The following ASTN2 variants were observed in gnomAD, a reference collection of about 807,000 sequenced individuals.
ASTN2 encodes astrotactin 2.
In ASTN2, 54 loss-of-function variants were observed where a neutral mutation model predicts 139.8. The ratio of observed to expected loss-of-function variants is 0.39; its 90% confidence interval spans 0.31 to 0.48. The LOEUF (loss-of-function observed/expected upper bound fraction) is 0.48, where lower values mean the gene tolerates loss of function less well. Ranked by LOEUF, ASTN2 falls within the 20% of genes least tolerant of loss-of-function variation. The probability of loss-of-function intolerance (pLI) is 0.95; values close to 1 mark genes in which losing one functional copy is unlikely to be tolerated. For synonymous variants in ASTN2, 756 were observed against 719.5 expected (o/e 1.05, Z -0.81); for missense variants, 1,565 against 1,725.1 (o/e 0.91, Z 1.64).
chr9:116,647,289 T>C (rs1857643913), intron 17 of ASTN2, among the ~76,000 whole-genome samples: 1 of 152,232 alleles, frequency 6.6e-6, no homozygotes. Flanking sequence ...CTTGTCATAC[T>C]GTTCACTCTT....
chr9:116,847,211 G>A (rs1423158151), intron 11 of ASTN2, among the ~76,000 whole-genome samples: 13 of 152,106 alleles, frequency 8.5e-5, no homozygotes, highest in Non-Finnish European at 1.9e-4. Context: ...TGCCTCCCTG[G>A]TTCAAGTGAT....
intron 3 of ASTN2, among the ~76,000 whole-genome samples, chr9:117,159,612 A>G (rs1830503912): frequency 6.6e-6 from 1 of 152,040 alleles, no homozygotes; most frequent in Non-Finnish European, 1.5e-5. Context: ...TGCACAGCTA[A>G]ATTTTGTGCA....
chr9:117,270,370 A>T (rs1336397608), intron 2 of ASTN2, among the ~76,000 whole-genome samples: 1 of 152,168 alleles, frequency 6.6e-6, no homozygotes, highest in Admixed American at 6.5e-5. Flanking sequence ...TCTGGAAATC[A>T]CCACTCCACT....
At chr9:117,056,818 G>T (rs773750966) in intron 5 of ASTN2, among the ~76,000 whole-genome samples, 1 of 152,184 alleles carries the variant, frequency 6.6e-6, no homozygotes, top group African/African-American at 2.4e-5. Flanking sequence ...AATTTAGGAA[G>T]TCAATAAGAA....
intron 3 of ASTN2, among the ~76,000 whole-genome samples, chr9:117,205,898 G>A (rs1326438136): frequency 2.0e-5 from 3 of 152,198 alleles, no homozygotes; most frequent in African/African-American, 2.4e-5. Flanking sequence ...CAAGCTCAAC[G>A]ATAGACAGTA....
In ASTN2 at chr9:116,698,402, G is replaced by A. The variant is rs3747833; in HGVS notation, c.2806+27369C>T. 4.6e-5 allele frequency: 75 copies of A among 1,613,996 alleles called. No homozygotes were observed. Among genetic ancestry groups the A allele is most frequent in the Non-Finnish European group, 6.0e-5 (71 of 1,180,028 alleles). On this transcript the variant is annotated intron_variant, in intron 16 of 22. Coordinates refer to ENST00000313400, the MANE Select transcript of ASTN2 (RefSeq NM_001365068.1). The surrounding 1 kb of genome is among the most constrained non-coding windows in gnomAD (Gnocchi z 4.4). ...AAGTTGAGAAGTCCAATAGTCAAGT[G>A]GTAGAGGAGCAGAGTTACCTGCTTA...
At chr9:116,785,239 C>T (rs536953246) in intron 13 of ASTN2, among the ~76,000 whole-genome samples, 9 of 152,208 alleles carry the variant, frequency 5.9e-5, no homozygotes, top group Middle Eastern at 3.4e-3. Flanking sequence ...TTCACCTCTC[C>T]GATGTTAAAC....
chr9:116,884,749 G>C (rs1296299012), intron 10 of ASTN2, among the ~76,000 whole-genome samples: 1 of 149,136 alleles, frequency 6.7e-6, no homozygotes, highest in Non-Finnish European at 1.5e-5. Flanking sequence ...TCTGATCTCT[G>C]CCTTGATGTC....
intron 14 of ASTN2, among the ~76,000 whole-genome samples, 183 bp downstream of exon 14, chr9:116,733,216 C>T (rs1186695987): frequency 2.0e-5 from 3 of 152,194 alleles, no homozygotes; most frequent in Non-Finnish European, 4.4e-5. Flanking sequence ...CAGGGAAGTC[C>T]CTGGTTCTGC....
At chr9:116,558,375 T>A (rs1852740149) in intron 19 of ASTN2, among the ~76,000 whole-genome samples, 1 of 152,186 alleles carries the variant, frequency 6.6e-6, no homozygotes, top group African/African-American at 2.4e-5. Context: ...TTTTTTTTTT[T>A]TAACTGCACT....
At chr9:116,618,201 A>G (rs1342094047) in intron 19 of ASTN2, 123 bp downstream of exon 19, 1 of 1,092,902 alleles carries the variant, frequency 9.1e-7, no homozygotes, top group Non-Finnish European at 1.3e-6. Flanking sequence ...AAAAATCACT[A>G]AACAATGAAA....
intron 20 of ASTN2, among the ~76,000 whole-genome samples, chr9:116,472,641 T>C (rs1214953448): frequency 6.6e-6 from 1 of 151,834 alleles, no homozygotes; most frequent in Non-Finnish European, 1.5e-5. Context: ...TGGTAGCTCA[T>C]ACCTGTAATC....
intron 1 of ASTN2, among the ~76,000 whole-genome samples, chr9:117,402,183 C>T (rs767262632): frequency 3.9e-5 from 6 of 152,190 alleles, no homozygotes; most frequent in Admixed American, 6.5e-5. Context: ...TCTCCTGCCC[C>T]GGCCTCCTCT....
At chr9:117,131,977 T>G (rs965870880) in intron 4 of ASTN2, among the ~76,000 whole-genome samples, 2 of 152,200 alleles carry the variant, frequency 1.3e-5, no homozygotes, top group African/African-American at 4.8e-5. Flanking sequence ...AAACATGATT[T>G]TATATGGTCA....
chr9:117,402,938 A>G (rs1477938234), intron 1 of ASTN2, among the ~76,000 whole-genome samples: 1 of 152,166 alleles, frequency 6.6e-6, no homozygotes, highest in African/African-American at 2.4e-5. Context: ...AGGAATACAA[A>G]AACAATCTAA....
At chr9:116,684,484 T>C (rs1011576208) in intron 16 of ASTN2, among the ~76,000 whole-genome samples, 2 of 152,216 alleles carry the variant, frequency 1.3e-5, no homozygotes, top group Non-Finnish European at 2.9e-5. Context: ...ACTAATGCTT[T>C]CAAATCTTTG....
intron 6 of ASTN2, among the ~76,000 whole-genome samples, chr9:117,014,454 T>C (rs6478271): frequency 0.14 from 20,893 of 152,124 alleles, 1,519 homozygotes; most frequent in African/African-American, 0.19. Flanking sequence ...GTGGTTCTCC[T>C]ACAAGGATCT....
chr9:116,576,660 G>A (rs1853734256), intron 19 of ASTN2, among the ~76,000 whole-genome samples: 1 of 152,142 alleles, frequency 6.6e-6, no homozygotes, highest in Admixed American at 6.5e-5. Flanking sequence ...TTGGTACTCT[G>A]TGTGCCTGTG....
chr9:116,641,197 T>A (rs1162196057), intron 17 of ASTN2, among the ~76,000 whole-genome samples: 2 of 152,180 alleles, frequency 1.3e-5, no homozygotes, highest in Non-Finnish European at 2.9e-5. Context: ...GATGCCTGCT[T>A]TTTCAAAAGT....
Sources: gnomAD v4.1 joint callset for allele counts (sites outside exome capture counted in the v4.1 genomes callset) on GRCh38, gnomAD v4.1.1 for gene constraint, Gnocchi (gnomAD v3.1) non-coding constraint, MANE v1.5 for transcripts, NCBI Gene and HGNC (gene_info 2026-07-23, HGNC 2026-07-21) for gene names.